PPEF1: variants seen among roughly 807,000 people sequenced by gnomAD.
PPEF1 encodes serine/threonine-protein phosphatase with EF-hands 1.
PPEF1 carries 12 observed loss-of-function variants against 53.3 expected under a neutral mutation model. The ratio of observed to expected loss-of-function variants is 0.23; its 90% CI spans 0.14 to 0.36. PPEF1 has a LOEUF of 0.36. Among genes scored for constraint, PPEF1 ranks in the 10% least tolerant of loss-of-function variants. The pLI, the probability that PPEF1 is intolerant of heterozygous loss-of-function variation, is 1.00. For synonymous variants in PPEF1, 165 were observed against 176.7 expected (o/e 0.93, Z 0.52); for missense variants, 334 against 490.4 (o/e 0.68, Z 3.01).
chrX:18,697,887 A>G (rs990692948), exon 5 of PPEF1: 7 of 111,039 alleles, frequency 6.3e-5, no homozygotes, highest in African/African-American at 2.3e-4. Flanking sequence ...AAAGCCAGAG[A>G]GCATTTGAGA....
At chrX:18,700,482 A>G (rs1293740169) in intron 6 of PPEF1, 1 of 109,632 alleles carries the variant, frequency 9.1e-6, no homozygotes, top group Admixed American at 9.9e-5. Flanking sequence ...GCAGAAGTCT[A>G]CATCATAAAC....
chrX:18,815,475 C>T (rs190030824), intron 12 of PPEF1, among the ~76,000 whole-genome samples: 8 of 112,065 alleles, frequency 7.1e-5, no homozygotes, highest in South Asian at 3.7e-4. Flanking sequence ...CTTGTCTTTG[C>T]GAATCATTTG....
chrX:18,726,351 C>CAAATAAATAAATAAAT (rs557593698), intron 1 of PPEF1, among the ~76,000 whole-genome samples: 61 of 94,761 alleles, frequency 6.4e-4, no homozygotes, highest in African/African-American at 1.8e-3. Flanking sequence ...GACTCTGACT[C>CAAATAAATAAATAAAT]AAATAAATAA....
chrX:18,815,903 ATT>A (rs201428145), intron 12 of PPEF1, among the ~76,000 whole-genome samples: 3,021 of 95,078 alleles, frequency 0.032, 125 homozygotes, highest in African/African-American at 0.11. Context: ...TTATTTATTT[ATT>A]TTTTTTTTTT....
intron 13 of PPEF1, among the ~76,000 whole-genome samples, chrX:18,821,804 A>AGAGAGAGAGAGAGAGAGAG (rs1569273883): frequency 2.9e-5 from 2 of 68,608 alleles, no homozygotes; most frequent in African/African-American, 5.3e-5. Context: ...AGAGAGAGAG[A>AGAGAGAGAGAGAGAGAGAG]AAACAAATAA....
At chrX:18,706,818 CTTTTTT>C (rs767459911), upstream of PPEF1, among the ~76,000 whole-genome samples, 2 of 46,319 alleles carry the variant, frequency 4.3e-5, no homozygotes, top group African/African-American at 7.9e-5. Context: ...TTCAAACCTC[CTTTTTT>C]TTTTTTTTTT....
chrX:18,686,866 A>G (rs967183998), intron 3 of PPEF1, among the ~76,000 whole-genome samples: 1 of 79,661 alleles, frequency 1.3e-5, no homozygotes. Context: ...CAGGGGCTTA[A>G]CACAGAGCGC....
At chrX:18,734,253 G>C (rs1473187925) in intron 3 of PPEF1, among the ~76,000 whole-genome samples, 2 of 106,960 alleles carry the variant, frequency 1.9e-5, no homozygotes, top group East Asian at 3.0e-4. Context: ...TACATTAGGT[G>C]TACTCCTAAT....
intron 5 of PPEF1, among the ~76,000 whole-genome samples, chrX:18,761,159 C>T (rs1474511605): frequency 1.8e-5 from 2 of 111,405 alleles, no homozygotes; most frequent in African/African-American, 6.5e-5. Context: ...CTTTGCATAA[C>T]TTACTTAACT....
rs975505608 is a variant in PPEF1, at chrX:18,686,921, T to A, written c.-426+690T>A. 2.7e-5 allele frequency among the ~76,000 whole-genome samples: 3 copies of A among 110,901 alleles called. No individual in the cohort carries two copies. In the Admixed American group the frequency reaches 2.9e-4, roughly 11 times the overall value. ...ATACGAAGCCAGGAGATATACAGTG[T>A]CACATTGTCATCCAGGTCTCAAGCT... On this transcript the variant is annotated intron_variant, in intron 3 of 21. Coordinates refer to the PPEF1 transcript ENST00000361511.
intron 3 of PPEF1, among the ~76,000 whole-genome samples, chrX:18,690,683 G>GT (rs1330171787): frequency 8.9e-6 from 1 of 112,345 alleles, no homozygotes; most frequent in Non-Finnish European, 1.9e-5. Context: ...CCCAGGCCTT[G>GT]TTTTATCAAC....
intron 10 of PPEF1, among the ~76,000 whole-genome samples, chrX:18,800,127 G>T (rs1024116637): frequency 6.3e-5 from 7 of 111,359 alleles, no homozygotes; most frequent in African/African-American, 2.3e-4. Context: ...TCCTGAATAT[G>T]TTAAGTGATT....
chrX:18,736,418 T>C (rs1366912686), intron 3 of PPEF1, among the ~76,000 whole-genome samples: 16 of 112,379 alleles, frequency 1.4e-4, no homozygotes, highest in African/African-American at 3.2e-5. Flanking sequence ...TCTGTTTATA[T>C]GCTGGATTAC....
chrX:18,725,907 C>G (rs908126123), intron 1 of PPEF1, among the ~76,000 whole-genome samples: 3 of 111,008 alleles, frequency 2.7e-5, no homozygotes, highest in African/African-American at 9.9e-5. Context: ...GTGCTATATA[C>G]AAAACAGCAG....
At chrX:18,745,177 T>A (rs2045303621) in intron 3 of PPEF1, among the ~76,000 whole-genome samples, 1 of 95,160 alleles carries the variant, frequency 1.1e-5, no homozygotes, top group East Asian at 3.0e-4. Flanking sequence ...ATATATTATA[T>A]TATATTCCAT....
intron 2 of PPEF1, among the ~76,000 whole-genome samples, chrX:18,730,990 C>T (rs1244591377): frequency 8.9e-6 from 1 of 112,184 alleles, no homozygotes. Flanking sequence ...TCTGGAATTA[C>T]AGGCGTGAGC....
chrX:18,707,588 T>C, upstream of PPEF1: 1 of 412,028 alleles, frequency 2.4e-6, no homozygotes, highest in East Asian at 4.0e-5. Flanking sequence ...TGAATCCTGC[T>C]GAGCAGCCCC....
intron 4 of PPEF1, among the ~76,000 whole-genome samples, chrX:18,695,761 A>G (rs771716962): frequency 1.8e-5 from 2 of 112,587 alleles, no homozygotes; most frequent in South Asian, 3.6e-4. Flanking sequence ...CTATTAATCT[A>G]TTTATTAAAT....
At chrX:18,823,496 G>A (rs1021585563) in intron 13 of PPEF1, among the ~76,000 whole-genome samples, 5 of 108,891 alleles carry the variant, frequency 4.6e-5, no homozygotes, top group East Asian at 2.9e-4. Context: ...GTATGGTGGC[G>A]TACACCTGTA....
Sources: gnomAD v4.1 joint callset for allele counts (sites outside exome capture counted in the v4.1 genomes callset) on GRCh38, gnomAD v4.1.1 for gene constraint, MANE v1.5 for transcripts, NCBI Gene and HGNC (gene_info 2026-07-23, HGNC 2026-07-21) for gene names.